The following PDS5B variants were observed in gnomAD, a reference collection of about 807,000 sequenced individuals.
PDS5B encodes the protein PDS5 cohesin associated factor B.
In PDS5B, 51 loss-of-function variants were observed where a neutral mutation model predicts 184.1. That is an observed-to-expected ratio of 0.28 (90% CI 0.22 to 0.35). PDS5B has a LOEUF of 0.35. Ranked by LOEUF, PDS5B falls within the 10% of genes least tolerant of loss-of-function variation. The probability of loss-of-function intolerance (pLI) is 1.00; values close to 1 mark genes in which losing one functional copy is unlikely to be tolerated. For synonymous variants in PDS5B, 566 were observed against 569.2 expected (o/e 0.99, Z 0.08); for missense variants, 1,180 against 1,723.3 (o/e 0.68, Z 5.58).
At chr13:32,687,799 C>G (rs1951438556) in intron 12 of PDS5B, among the ~76,000 whole-genome samples, 1 of 152,004 alleles carries the variant, frequency 6.6e-6, no homozygotes, top group South Asian at 2.1e-4. Context: ...AGCTCTAAAT[C>G]CTGCTTATAG....
chr13:32,737,171 G>A (rs1953362793), intron 21 of PDS5B, among the ~76,000 whole-genome samples: 1 of 139,566 alleles, frequency 7.2e-6, no homozygotes, highest in Non-Finnish European at 1.5e-5. Context: ...TTGAGATAAT[G>A]TGAGGCTTCA....
At chr13:32,643,156 C>G (rs924419204) in intron 1 of PDS5B, among the ~76,000 whole-genome samples, 1 of 152,106 alleles carries the variant, frequency 6.6e-6, no homozygotes, top group Non-Finnish European at 1.5e-5. Context: ...CTTTCTTCCA[C>G]TCCAGACTCA....
intron 1 of PDS5B, among the ~76,000 whole-genome samples, chr13:32,613,474 A>T (rs1221757612): frequency 1.3e-5 from 2 of 152,146 alleles, no homozygotes; most frequent in Non-Finnish European, 2.9e-5. Flanking sequence ...TTTAATTTGC[A>T]TTTCCTGATG....
intron 9 of PDS5B, among the ~76,000 whole-genome samples, chr13:32,677,814 A>G (rs1951113101): frequency 6.6e-6 from 1 of 152,166 alleles, no homozygotes. Context: ...CATAGAATTA[A>G]GACATATGAA....
At chr13:32,635,170 G>GTTTTTTTTTTTTTTTTTTTT (rs71071054) in intron 1 of PDS5B, among the ~76,000 whole-genome samples, 2 of 81,122 alleles carry the variant, frequency 2.5e-5, no homozygotes, top group Non-Finnish European at 5.0e-5. Flanking sequence ...AGCCAATTAC[G>GTTTTTTTTTTTTTTTTTTTT]TTTTTTTTTT....
intron 1 of PDS5B, among the ~76,000 whole-genome samples, chr13:32,604,706 A>G (rs575599622): frequency 1.3e-5 from 2 of 152,020 alleles, no homozygotes; most frequent in African/African-American, 4.8e-5. Context: ...CTGGTCCTGG[A>G]CTTTTTTTGG....
chr13:32,694,849 T>C (rs909695364), intron 14 of PDS5B, among the ~76,000 whole-genome samples: 1 of 151,760 alleles, frequency 6.6e-6, no homozygotes, highest in Non-Finnish European at 1.5e-5. Flanking sequence ...TCTAGGGTTT[T>C]TTTTTTTTCA....
chr13:32,754,233 A>G (rs972493202), intron 25 of PDS5B, among the ~76,000 whole-genome samples: 2 of 152,084 alleles, frequency 1.3e-5, no homozygotes, highest in African/African-American at 4.8e-5. Flanking sequence ...ATTGCTATCA[A>G]AATTATCCTT....
At chr13:32,643,749 T>C (rs9595998) in intron 1 of PDS5B, among the ~76,000 whole-genome samples, 1,836 of 152,214 alleles carry the variant, frequency 0.012, 39 homozygotes, top group African/African-American at 0.041. Context: ...ATAGCCTAGG[T>C]ATGTAGTAGT....
intron 3 of PDS5B, among the ~76,000 whole-genome samples, chr13:32,655,374 A>ATATATATATATATATATATATAT: frequency 1.4e-5 from 1 of 72,464 alleles, no homozygotes; most frequent in African/African-American, 8.3e-5. Context: ...ATATATATAT[A>ATATATATATATATATATATATAT]TTTTTTTTTT....
At chr13:32,730,829 G>A (rs1487433606) in intron 19 of PDS5B, among the ~76,000 whole-genome samples, 1 of 152,172 alleles carries the variant, frequency 6.6e-6, no homozygotes, top group Non-Finnish European at 1.5e-5. Context: ...TTGTTTCTCA[G>A]CTTAAGGAGT....
At chr13:32,723,657 T>C (rs1952796983) in intron 19 of PDS5B, among the ~76,000 whole-genome samples, 1 of 152,228 alleles carries the variant, frequency 6.6e-6, no homozygotes, top group Non-Finnish European at 1.5e-5. Context: ...TCAGCTAAAG[T>C]TGCTGCTAGT....
intron 1 of PDS5B, among the ~76,000 whole-genome samples, chr13:32,632,285 T>C (rs368840930): frequency 6.6e-6 from 1 of 152,198 alleles, no homozygotes. Context: ...AACAAGGATT[T>C]AATGTCCAGA....
At chr13:32,605,802 C>T (rs1177917165) in intron 1 of PDS5B, among the ~76,000 whole-genome samples, 5 of 151,862 alleles carry the variant, frequency 3.3e-5, no homozygotes, top group African/African-American at 1.2e-4. Flanking sequence ...CTTGTTGAAT[C>T]GATCCCTTTA....
At chr13:32,715,649 C>CTCTCCCTCTCCCCACGG (rs1952361964) in intron 19 of PDS5B, among the ~76,000 whole-genome samples, 3 of 150,864 alleles carry the variant, frequency 2.0e-5, no homozygotes. Context: ...CTCCCTATCC[C>CTCTCCCTCTCCCCACGG]TCTCCCTCTC....
At chr13:32,748,001 C>G (rs1323214862) in intron 24 of PDS5B, among the ~76,000 whole-genome samples, 1 of 152,200 alleles carries the variant, frequency 6.6e-6, no homozygotes, top group African/African-American at 2.4e-5. Flanking sequence ...ATTGCCACCT[C>G]AAGCACCAAA....
chr13:32,715,254 C>T (rs1952340825), intron 19 of PDS5B, among the ~76,000 whole-genome samples: 1 of 152,156 alleles, frequency 6.6e-6, no homozygotes, highest in Admixed American at 6.5e-5. Flanking sequence ...CTAGGCAGCC[C>T]TAGCTACTTT....
At chr13:32,771,885 T>C (rs1954800054) in intron 33 of PDS5B, among the ~76,000 whole-genome samples, 1 of 151,972 alleles carries the variant, frequency 6.6e-6, no homozygotes. Flanking sequence ...TAAATGATTA[T>C]TGTGCTCTCC....
At chr13:32,635,768 T>TA (rs1179887088) in intron 1 of PDS5B, among the ~76,000 whole-genome samples, 2 of 127,794 alleles carry the variant, frequency 1.6e-5, no homozygotes, top group Admixed American at 1.5e-4. Context: ...TATTCTGATT[T>TA]TTTTTTTTTT....
Sources: allele counts gnomAD v4.1 joint callset (sites outside exome capture counted in the v4.1 genomes callset), GRCh38; gene constraint gnomAD v4.1.1; transcripts MANE v1.5; gene names NCBI Gene and HGNC (gene_info 2026-07-23, HGNC 2026-07-21).